ZFPM2: variants seen among roughly 807,000 people sequenced by gnomAD.
ZFPM2 encodes the protein zinc finger protein ZFPM2.
A neutral mutation model predicts 98.6 loss-of-function variants in ZFPM2; 20 were observed. The ratio of observed to expected loss-of-function variants is 0.20; its 90% CI spans 0.14 to 0.29. The LOEUF (loss-of-function observed/expected upper bound fraction) is 0.29. Ranked by LOEUF, ZFPM2 falls within the 10% of genes least tolerant of loss-of-function variation. The pLI is 1.00. For missense variants in ZFPM2, 1,310 were observed against 1,388.6 expected (o/e 0.94, Z 0.90); for synonymous variants, 518 against 502.7 (o/e 1.03, Z -0.41).
At chr8:105,516,750 A>T (rs1490936977) in intron 3 of ZFPM2, among the ~76,000 whole-genome samples, 1 of 152,144 alleles carries the variant, frequency 6.6e-6, no homozygotes, top group East Asian at 1.9e-4. Context: ...TAATGCTATC[A>T]TGGGTAGATA....
intron 3 of ZFPM2, among the ~76,000 whole-genome samples, chr8:105,446,514 A>G (rs936367448): frequency 2.6e-5 from 4 of 152,172 alleles, no homozygotes; most frequent in African/African-American, 7.2e-5. Flanking sequence ...ATAAAGTTGT[A>G]TTTGTGGCTA....
At chr8:105,568,929 C>A (rs763433470) in intron 4 of ZFPM2, among the ~76,000 whole-genome samples, 8 of 151,872 alleles carry the variant, frequency 5.3e-5, no homozygotes, top group Non-Finnish European at 1.0e-4. Context: ...ATTTTTTTTC[C>A]ACATCCGTAC....
chr8:105,448,966 C>A (rs1308605764), intron 3 of ZFPM2, among the ~76,000 whole-genome samples: 2 of 151,986 alleles, frequency 1.3e-5, no homozygotes, highest in Non-Finnish European at 2.9e-5. Flanking sequence ...GAACCACATT[C>A]CATGACCGAA....
chr8:105,337,271 A>G (rs1269528774), intron 1 of ZFPM2, among the ~76,000 whole-genome samples: 2 of 151,810 alleles, frequency 1.3e-5, no homozygotes, highest in Non-Finnish European at 2.9e-5. Context: ...CAATAGTTTC[A>G]CACTGCTGCA....
At chr8:105,398,725 G>A (rs554343878) in intron 1 of ZFPM2, among the ~76,000 whole-genome samples, 1 of 152,038 alleles carries the variant, frequency 6.6e-6, no homozygotes, top group East Asian at 1.9e-4. Flanking sequence ...TTGCTTCCCT[G>A]GCCACTCACC....
At chr8:105,743,554 G>C (rs1170002451) in intron 5 of ZFPM2, among the ~76,000 whole-genome samples, 1 of 151,936 alleles carries the variant, frequency 6.6e-6, no homozygotes, top group Non-Finnish European at 1.5e-5. Flanking sequence ...AAGCTGGTGG[G>C]GGTGTTGGAG....
rs751894549 is a variant in ZFPM2, at chr8:105,443,329, A to C, written c.200-951A>C. Among the ~76,000 whole-genome samples the C allele has an allele frequency of 6.3e-4, 92 of 144,980 alleles. 4 individuals carry two copies. Among genetic ancestry groups the C allele is most frequent in the Non-Finnish European group, 9.7e-4 (66 of 67,806 alleles). On this transcript the variant is annotated intron_variant, in intron 2 of 7. Coordinates refer to ENST00000407775, the MANE Select transcript of ZFPM2 (RefSeq NM_012082.4). The stretch of plus-strand genomic sequence containing the variant: ...CTCCTTCTCAAAAAACAAAAAACAA[A>C]AAAAAAAAAACTTGGCATTATTAAA...
At chr8:105,335,684 T>G (rs1812313243) in intron 1 of ZFPM2, among the ~76,000 whole-genome samples, 1 of 151,774 alleles carries the variant, frequency 6.6e-6, no homozygotes, top group Non-Finnish European at 1.5e-5. Flanking sequence ...ATAAAGTTAG[T>G]GGTCAGCACC....
chr8:105,492,656 G>A (rs918051975), intron 3 of ZFPM2, among the ~76,000 whole-genome samples: 1 of 152,082 alleles, frequency 6.6e-6, no homozygotes, highest in Non-Finnish European at 1.5e-5. Flanking sequence ...CTCAGCTCAA[G>A]GAAGTAATTA....
chr8:105,443,088 C>T lies in ZFPM2; in HGVS notation c.200-1192C>T, dbSNP rs192966731. On this transcript the variant is annotated intron_variant, in intron 2 of 7. Transcript: ENST00000407775. Reference sequence around the variant, plus strand: ...CTGTGGGAGGCCGAGGCAGGTGGATCACTCGAGGTCAAGAGTTCAAGACCA... The same window carrying T: ...CTGTGGGAGGCCGAGGCAGGTGGATTACTCGAGGTCAAGAGTTCAAGACCA... 1.7e-3 allele frequency among the ~76,000 whole-genome samples: 262 copies of T among 152,126 alleles called. 1 individual carries two copies. The highest frequency in any genetic ancestry group is 5.8e-3 in the African/African-American group (240 of 41,474).
chr8:105,580,577 C>T (rs1464474376), intron 4 of ZFPM2, among the ~76,000 whole-genome samples: 4 of 151,970 alleles, frequency 2.6e-5, no homozygotes, highest in Non-Finnish European at 5.9e-5. Flanking sequence ...GTGTAAAATA[C>T]TCTGTTTCGC....
At chr8:105,553,706 C>G (rs766940374) in intron 3 of ZFPM2, among the ~76,000 whole-genome samples, 4 of 152,178 alleles carry the variant, frequency 2.6e-5, no homozygotes, top group Non-Finnish European at 5.9e-5. Flanking sequence ...GCATTTTTCT[C>G]TAAGTAGAGA....
At position 105,803,447 on chromosome 8, in the gene ZFPM2, G is replaced by A. The variant is rs202084698; in HGVS notation, c.3365G>A (p.Arg1122Gln). Residue 1122 changes from arginine (R) to glutamine (Q), a missense_variant, in exon 8 of 8, where the codon CGG (arginine) becomes CAG (glutamine). Coordinates refer to ENST00000407775, the MANE Select transcript of ZFPM2 (RefSeq NM_012082.4). ...SQAPTSGKYC[R>Q]LCDIQFNNLS... is the part of the protein sequence containing the mutation. The stretch of plus-strand genomic sequence containing the variant: ...GCTCCAACCAGTGGGAAATATTGCC[G>A]GCTATGTGATATCCAGTTCAACAAC... The A allele has an allele frequency of 1.5e-5, 25 of 1,613,702 alleles. No homozygotes were observed. The highest frequency in any genetic ancestry group is 4.5e-5 in the East Asian group (2 of 44,852).
chr8:105,412,923 C>A (rs140050913), intron 1 of ZFPM2, among the ~76,000 whole-genome samples: 1 of 151,808 alleles, frequency 6.6e-6, no homozygotes, highest in Non-Finnish European at 1.5e-5. Context: ...GAGAGAGGAA[C>A]TACTAAGAGC....
At chr8:105,609,214 G>A (rs1182322153) in intron 4 of ZFPM2, among the ~76,000 whole-genome samples, 1 of 152,114 alleles carries the variant, frequency 6.6e-6, no homozygotes, top group Non-Finnish European at 1.5e-5. Flanking sequence ...AGATCTGAAG[G>A]AAGGGATGGG....
intron 3 of ZFPM2, among the ~76,000 whole-genome samples, chr8:105,498,039 A>G (rs187815554): frequency 6.6e-6 from 1 of 151,240 alleles, no homozygotes; most frequent in Non-Finnish European, 1.5e-5. Context: ...AAAAAAAAAA[A>G]AAAAAAACAA....
rs868693050 is a variant in ZFPM2, at chr8:105,511,845, C to G, written c.302-49518C>G. Among the ~76,000 whole-genome samples, 3 of 152,194 alleles carry G rather than the reference C, an allele frequency of 2.0e-5. No individual in the cohort carries two copies. In the South Asian group the frequency reaches 6.2e-4, roughly 32 times the overall value. On this transcript the variant is annotated intron_variant, in intron 3 of 7. Transcript: ENST00000407775. ...GTTATGGTACTCAAGAGTGAACTTT[C>G]CTTATAAAAGGCACCACAGGTCAGA...
intron 3 of ZFPM2, among the ~76,000 whole-genome samples, chr8:105,514,396 C>A (rs544396004): frequency 1.4e-5 from 2 of 145,782 alleles, no homozygotes; most frequent in African/African-American, 5.1e-5. Context: ...GAGATTTAAG[C>A]AGATAAATTA....
At chr8:105,408,548 C>T (rs1372177776) in intron 1 of ZFPM2, among the ~76,000 whole-genome samples, 2 of 151,822 alleles carry the variant, frequency 1.3e-5, no homozygotes, top group Non-Finnish European at 2.9e-5. Flanking sequence ...TCTTCATCCC[C>T]TAAAGATGAA....
Sources: gnomAD v4.1 joint callset for allele counts (sites outside exome capture counted in the v4.1 genomes callset) on GRCh38, gnomAD v4.1.1 for gene constraint, MANE v1.5 for transcripts, NCBI Gene and HGNC (gene_info 2026-07-23, HGNC 2026-07-21) for gene names.